AHI1: variants seen among roughly 807,000 people sequenced by gnomAD.
The protein encoded by AHI1 is Abelson helper integration site 1, also known as jouberin.
AHI1 carries 123 observed loss-of-function variants against 149.3 expected under a neutral mutation model. The observed-to-expected ratio is 0.82, with a 90% CI of 0.71 to 0.96. The LOEUF is 0.96. Among genes scored for constraint, AHI1 ranks in the 40% least tolerant of loss-of-function variants. The pLI is 0.00. For missense variants in AHI1, 1,439 were observed against 1,422.7 expected, an observed-to-expected ratio of 1.01 and a Z score of -0.18; for synonymous variants, 475 against 459.8, an observed-to-expected ratio of 1.03 and a Z score of -0.42.
At chr6:135,426,503 T>C (rs1046644236) in intron 20 of AHI1, among the ~76,000 whole-genome samples, 2 of 151,586 alleles carry the variant, frequency 1.3e-5, no homozygotes, top group Non-Finnish European at 3.0e-5. Flanking sequence ...TCAAAGAAAC[T>C]AACAAAGACT....
intron 10 of AHI1, among the ~76,000 whole-genome samples, chr6:135,454,084 T>C (rs1562210097): frequency 6.6e-6 from 1 of 152,178 alleles, no homozygotes; most frequent in Non-Finnish European, 1.5e-5. Context: ...ACTCCAATCA[T>C]CTGTGCTTTT....
rs1238797879 is a variant in AHI1, at chr6:135,433,113, A to G, written c.2180T>C (p.Val727Ala). The G allele has an allele frequency of 1.2e-6, 2 of 1,613,640 alleles. No homozygotes were observed. Among genetic ancestry groups the G allele is most frequent in the Non-Finnish European group, 1.7e-6 (2 of 1,179,676 alleles). ...TATGGCAGAATCTTCTCTCATCTCAACTTTCCATATCCGTATCATGGAATC... is the reference window on the plus strand; with the variant it reads ...TATGGCAGAATCTTCTCTCATCTCAGCTTTCCATATCCGTATCATGGAATC... ...CYDSMIRIWK[V>A]EMREDSAILV... The change falls in exon 16 of 29, where the codon GTT becomes GCT. Residue 727 changes from valine to alanine, a missense_variant. By Grantham distance (64) the Val-to-Ala change is moderately conservative. Transcript: ENST00000265602.
At chr6:135,290,672 C>T in intron 27 of AHI1, 147 bp from the exon 28 acceptor site, 1 of 729,864 alleles carries the variant, frequency 1.4e-6, no homozygotes, top group Non-Finnish European at 2.3e-6. Context: ...TCCGGCAGAA[C>T]TAATGAGTAT....
intron 22 of AHI1, among the ~76,000 whole-genome samples, chr6:135,398,644 A>G (rs1779594976): frequency 6.6e-6 from 1 of 152,180 alleles, no homozygotes; most frequent in Non-Finnish European, 1.5e-5. Context: ...TTTAGGGTAA[A>G]GCAATTTACC....
In AHI1 at chr6:135,494,512, ATAAGAG is replaced by A. The variant is rs1375418778; in HGVS notation, c.-55+1296_-55+1301del. ...ATCAACTTCCTAATCTTTCACAATA[ATAAGAG>A]TAAATCACTCACAGTGTTTTTATAA... is the stretch of plus-strand genomic sequence containing the variant. On this transcript the variant is annotated intron_variant, in intron 3 of 28. Transcript: ENST00000265602. Among the ~76,000 whole-genome samples, 5 of 152,350 alleles carry A rather than the reference ATAAGAG, an allele frequency of 3.3e-5. No individual in the cohort carries two copies. In the East Asian group the frequency reaches 5.8e-4, roughly 18 times the overall value.
rs765527096 is a variant in AHI1 at position 135,442,562 on chromosome 6, C to T, written c.1912+20G>A. The T allele has an allele frequency of 3.8e-6, 6 of 1,594,420 alleles. No homozygotes were observed. In the African/African-American group the frequency reaches 8.1e-5, roughly 21 times the overall value. Reference sequence around the variant, plus strand: ...CCACGTGGACTACAATCAGATTAAACAGGTAGGATTATTACTCACAAATAA... The same window carrying T: ...CCACGTGGACTACAATCAGATTAAATAGGTAGGATTATTACTCACAAATAA... On this transcript the variant is annotated intron_variant, in intron 14 of 28. Coordinates refer to ENST00000265602, the MANE Select transcript of AHI1 (RefSeq NM_001134831.2).
chr6:135,313,815 C>A (rs1247389588), intron 26 of AHI1, among the ~76,000 whole-genome samples: 1 of 152,122 alleles, frequency 6.6e-6, no homozygotes, highest in Non-Finnish European at 1.5e-5. Flanking sequence ...TGACAGAGTT[C>A]TTTATGTTTC....
At position 135,394,776 on chromosome 6, in the gene AHI1, C is replaced by T. The variant is rs368417545; in HGVS notation, c.3109G>A (p.Gly1037Arg). The T allele has an allele frequency of 2.6e-5, 42 of 1,609,896 alleles. No homozygotes were observed. Among genetic ancestry groups the T allele is most frequent in the Non-Finnish European group, 3.4e-5 (40 of 1,177,660 alleles). ...TTGTCAAAGTAAGAAAGGGGCTCAC[C>T]GGTCTGAGTGAAACCAAACTGATGT... ...ILHQFGFTQTGIISIERKPCN... is the reference protein window; with the variant it reads ...ILHQFGFTQTRIISIERKPCN... The change falls in exon 23 of 29, where the codon GGG (glycine) becomes AGG (arginine). Residue 1037 changes from glycine to arginine, a missense_variant and splice_region_variant. Coordinates refer to ENST00000265602, the MANE Select transcript of AHI1 (RefSeq NM_001134831.2).
intron 21 of AHI1, among the ~76,000 whole-genome samples, chr6:135,409,006 G>A (rs1781203233): frequency 6.6e-6 from 1 of 152,106 alleles, no homozygotes; most frequent in African/African-American, 2.4e-5. Flanking sequence ...CCTGGTTTAT[G>A]TGGTACTTTT....
rs139207124 is a variant in AHI1 at position 135,435,870 on chromosome 6, C to T, written c.2036+2505G>A. Among the ~76,000 whole-genome samples the T allele has an allele frequency of 4.6e-5, 7 of 152,150 alleles. No homozygotes were observed. In the East Asian group the frequency reaches 1.4e-3, roughly 29 times the overall value. ...CCTTTTAGGAGGGAGAATTGGCAGA[C>T]TTTAGTGCTAGTTAGATGTGAAAGA... On this transcript the variant is annotated intron_variant, in intron 15 of 28. Coordinates refer to ENST00000265602, the MANE Select transcript of AHI1 (RefSeq NM_001134831.2).
At chr6:135,491,845 GAGAC>G (rs1795296130) in intron 4 of AHI1, among the ~76,000 whole-genome samples, 1 of 152,216 alleles carries the variant, frequency 6.6e-6, no homozygotes, top group Non-Finnish European at 1.5e-5. Context: ...AAGAGACAGA[GAGAC>G]AGAGTTGAGC....
At chr6:135,474,068 T>C (rs1280674166) in intron 5 of AHI1, among the ~76,000 whole-genome samples, 1 of 152,218 alleles carries the variant, frequency 6.6e-6, no homozygotes, top group Non-Finnish European at 1.5e-5. Flanking sequence ...TTTGCACAAC[T>C]GTAGGCTAAT....
chr6:135,404,894 T>C, intron 22 of AHI1, 57 bp downstream of exon 22: 1 of 1,502,084 alleles, frequency 6.7e-7, no homozygotes, highest in Admixed American at 1.7e-5. Context: ...GCATTCCAGT[T>C]CTTTGGAGCA....
chr6:135,424,852 C>A lies in AHI1; in HGVS notation c.2764+2315G>T, dbSNP rs963247919. ...AACACCACTTAAAAATCCCTTAAGTCTTTTGTGTTTTTTGAATTTTATACT... is the reference window on the plus strand; with the variant it reads ...AACACCACTTAAAAATCCCTTAAGTATTTTGTGTTTTTTGAATTTTATACT... On this transcript the variant is annotated intron_variant, in intron 20 of 28. Transcript: ENST00000265602. 2.0e-5 allele frequency among the ~76,000 whole-genome samples: 3 copies of A among 151,732 alleles called. No individual in the cohort carries two copies. The South Asian group carries it at 6.2e-4, about 31-fold the overall frequency.
chr6:135,345,142 C>T (rs1790999380), intron 24 of AHI1, among the ~76,000 whole-genome samples: 1 of 152,118 alleles, frequency 6.6e-6, no homozygotes, highest in Non-Finnish European at 1.5e-5. Flanking sequence ...GTGTCACTTC[C>T]TATCCACTAG....
intron 14 of AHI1, 75 bp downstream of exon 14, chr6:135,442,507 C>T: frequency 9.1e-6 from 13 of 1,429,668 alleles, no homozygotes; most frequent in South Asian, 3.2e-5. Context: ...TTAAGATTTC[C>T]ATGAATTTAA....
At chr6:135,310,186 T>G (rs560860699) in intron 26 of AHI1, among the ~76,000 whole-genome samples, 2 of 152,336 alleles carry the variant, frequency 1.3e-5, no homozygotes, top group East Asian at 3.9e-4. Flanking sequence ...AATCATATTA[T>G]TCCTATGATT....
chr6:135,391,932 G>T (rs943157721), intron 23 of AHI1, among the ~76,000 whole-genome samples: 7 of 152,264 alleles, frequency 4.6e-5, no homozygotes, highest in African/African-American at 7.2e-5. Context: ...AAACAACTGG[G>T]TGAATGGTGC....
chr6:135,447,021 C>A lies in AHI1; in HGVS notation c.1766G>T (p.Arg589Leu). The A allele has an allele frequency of 2.5e-6, 4 of 1,610,872 alleles. No homozygotes were observed. In the South Asian group the frequency reaches 4.4e-5, roughly 18 times the overall value. The change falls in exon 13 of 29, where the codon CGA becomes CTA. Residue 589 changes from arginine to leucine, a missense_variant. Physicochemically the swap from Arg to Leu is moderately radical, Grantham distance 102 (BLOSUM62 -2). Coordinates refer to ENST00000265602, the MANE Select transcript of AHI1 (RefSeq NM_001134831.2). ...EESKEVIKWK[R>L]LPGQACRIPN... Reference sequence around the variant, plus strand: ...CAAACACTTCACCTGCCCAGGGAGTCGTTTCCACTTTATTACTTCCTTTGA... The same window carrying A: ...CAAACACTTCACCTGCCCAGGGAGTAGTTTCCACTTTATTACTTCCTTTGA...
Sources: gnomAD v4.1 joint callset for allele counts (sites outside exome capture counted in the v4.1 genomes callset) on GRCh38, gnomAD v4.1.1 for gene constraint, MANE v1.5 for transcripts, NCBI Gene and HGNC (gene_info 2026-07-23, HGNC 2026-07-21) for gene names.